INPP4B: variants seen among roughly 807,000 people sequenced by gnomAD.
INPP4B encodes the protein inositol polyphosphate 4-phosphatase type II.
INPP4B carries 55 observed loss-of-function variants against 122.5 expected under a neutral mutation model. That is an observed-to-expected ratio of 0.45 (90% CI 0.36 to 0.56). INPP4B has a LOEUF of 0.56. Among genes scored for constraint, INPP4B ranks in the 20% least tolerant of loss-of-function variants. INPP4B has a pLI of 0.00. For missense variants in INPP4B, 1,000 were observed against 1,097.7 expected (o/e 0.91, Z 1.26); for synonymous variants, 403 against 388.7 (o/e 1.04, Z -0.43).
At chr4:142,478,844 A>G (rs943573476) in intron 2 of INPP4B, among the ~76,000 whole-genome samples, 2 of 152,220 alleles carry the variant, frequency 1.3e-5, no homozygotes, top group South Asian at 2.1e-4. Flanking sequence ...GCAACAATCA[A>G]TTCAAGATGT....
intron 2 of INPP4B, among the ~76,000 whole-genome samples, chr4:142,701,015 T>A (rs1279608883): frequency 6.6e-6 from 1 of 152,084 alleles, no homozygotes; most frequent in Non-Finnish European, 1.5e-5. Flanking sequence ...AGAAAATTTA[T>A]TGGAAAGATA....
At chr4:142,400,888 A>G (rs1444868876) in intron 7 of INPP4B, among the ~76,000 whole-genome samples, 2 of 152,200 alleles carry the variant, frequency 1.3e-5, no homozygotes, top group African/African-American at 4.8e-5. Context: ...CACATTTTAA[A>G]TGAAGGAGAT....
intron 1 of INPP4B, among the ~76,000 whole-genome samples, chr4:142,802,169 T>C (rs7661951): frequency 1 from 151,961 of 152,226 alleles, 75,848 homozygotes; most frequent in East Asian, 1. Flanking sequence ...CCACCACATC[T>C]CTTCCTGCCC....
intron 16 of INPP4B, among the ~76,000 whole-genome samples, chr4:142,169,514 C>T (rs1413421831): frequency 6.6e-6 from 1 of 151,610 alleles, no homozygotes; most frequent in Non-Finnish European, 1.5e-5. Flanking sequence ...AGCTGCCTGG[C>T]ATTGCTATTA....
At chr4:142,393,169 C>T (rs1344492402) in intron 7 of INPP4B, among the ~76,000 whole-genome samples, 1 of 152,044 alleles carries the variant, frequency 6.6e-6, no homozygotes, top group African/African-American at 2.4e-5. Flanking sequence ...ATGATGGTAA[C>T]TGAGAGTGGT....
chr4:142,057,256 A>AG (rs398108093), intron 25 of INPP4B, among the ~76,000 whole-genome samples: 1 of 151,602 alleles, frequency 6.6e-6, no homozygotes, highest in Non-Finnish European at 1.5e-5. Context: ...TATGTTAAAA[A>AG]TCACTCATAA....
intron 25 of INPP4B, among the ~76,000 whole-genome samples, chr4:142,053,922 A>C (rs1227907262): frequency 6.6e-6 from 1 of 152,124 alleles, no homozygotes; most frequent in African/African-American, 2.4e-5. Flanking sequence ...AGTGTTTTAG[A>C]ATAAAATAGG....
At chr4:142,094,015 A>G (rs1477229602) in intron 23 of INPP4B, among the ~76,000 whole-genome samples, 3 of 152,236 alleles carry the variant, frequency 2.0e-5, no homozygotes, top group African/African-American at 7.2e-5. Flanking sequence ...GTTCAGGGAG[A>G]AGAATACGAC....
intron 2 of INPP4B, among the ~76,000 whole-genome samples, chr4:142,505,772 A>C (rs571418107): frequency 2.3e-4 from 35 of 152,258 alleles, no homozygotes; most frequent in African/African-American, 8.2e-4. Flanking sequence ...CCTCCTTCTT[A>C]GGTTTTGTTT....
At chr4:142,227,489 T>C (rs1329453840) in intron 12 of INPP4B, among the ~76,000 whole-genome samples, 1 of 152,092 alleles carries the variant, frequency 6.6e-6, no homozygotes, top group Non-Finnish European at 1.5e-5. Flanking sequence ...ATTGATAATT[T>C]TAAGTTAATG....
intron 25 of INPP4B, among the ~76,000 whole-genome samples, chr4:142,063,373 T>A (rs1761976762): frequency 6.6e-6 from 1 of 152,162 alleles, no homozygotes; most frequent in Admixed American, 6.6e-5. Flanking sequence ...TTTTACCTCG[T>A]CAGACCCTAA....
At chr4:142,742,176 A>G (rs1767996456) in intron 1 of INPP4B, among the ~76,000 whole-genome samples, 1 of 151,878 alleles carries the variant, frequency 6.6e-6, no homozygotes, top group South Asian at 2.1e-4. Flanking sequence ...TATCACTGGA[A>G]ATGTCTCAAA....
chr4:142,103,443 T>C (rs191875035), intron 23 of INPP4B, among the ~76,000 whole-genome samples: 15 of 152,258 alleles, frequency 9.9e-5, no homozygotes, highest in African/African-American at 3.1e-4. Context: ...GTGATGCAGA[T>C]GATGTTTTAT....
chr4:142,684,808 A>AG (rs1759115493), intron 2 of INPP4B, among the ~76,000 whole-genome samples: 1 of 151,992 alleles, frequency 6.6e-6, no homozygotes, highest in East Asian at 1.9e-4. Flanking sequence ...TTCTTATACG[A>AG]GAAAAAAAGT....
At chr4:142,687,770 T>C (rs931852249) in intron 2 of INPP4B, among the ~76,000 whole-genome samples, 3 of 151,948 alleles carry the variant, frequency 2.0e-5, no homozygotes, top group Admixed American at 6.6e-5. Flanking sequence ...GCTGAGACAC[T>C]CTAAGCAGGG....
chr4:142,751,315 G>A (rs1769679379), intron 1 of INPP4B, among the ~76,000 whole-genome samples: 1 of 146,548 alleles, frequency 6.8e-6, no homozygotes, highest in East Asian at 2.0e-4. Context: ...CAAGCCTGAT[G>A]ACGACAATTG....
At position 142,026,590 on chromosome 4, in the gene INPP4B, C is replaced by G. The variant is rs1737071518; in HGVS notation, c.*2192G>C. 6.6e-6 allele frequency: 1 copy of G among 152,514 alleles called. No homozygotes were observed. 9.4% of individuals were successfully genotyped at this position (152,514 alleles called of 1,614,324 possible). On this transcript the variant is annotated 3_prime_UTR_variant, in exon 26 of 26. Transcript: ENST00000262992. ...CAAGCGATTCTCTTGCCTCAGCCTC[C>G]CAAGTAGCTGGGATTACACGTGTGT... is the stretch of plus-strand genomic sequence containing the variant.
chr4:142,096,584 C>T (rs1781894570), intron 23 of INPP4B, among the ~76,000 whole-genome samples: 1 of 152,160 alleles, frequency 6.6e-6, no homozygotes, highest in East Asian at 1.9e-4. Flanking sequence ...TTTCTTCTCA[C>T]TTTTTCTTTT....
At chr4:142,382,862 TAC>T (rs1257708034) in intron 7 of INPP4B, among the ~76,000 whole-genome samples, 1 of 151,596 alleles carries the variant, frequency 6.6e-6, no homozygotes, top group Non-Finnish European at 1.5e-5. Flanking sequence ...TCGTCTTTCC[TAC>T]AGAGTCCGAG....
Sources: gnomAD v4.1 joint callset for allele counts (sites outside exome capture counted in the v4.1 genomes callset) on GRCh38, gnomAD v4.1.1 for gene constraint, MANE v1.5 for transcripts, NCBI Gene and HGNC (gene_info 2026-07-23, HGNC 2026-07-21) for gene names.